PTPRG: variants seen among roughly 807,000 people sequenced by gnomAD.
PTPRG encodes the protein protein tyrosine phosphatase receptor type G.
PTPRG carries 102 observed loss-of-function variants against 165.3 expected under a neutral mutation model. That is an observed-to-expected ratio of 0.62 (90% CI 0.53 to 0.73). The LOEUF is 0.73. PTPRG is among the 30% of genes least tolerant of loss of function. The pLI is 0.00. For missense variants in PTPRG, 1,866 were observed against 1,861.4 expected, an observed-to-expected ratio of 1.00 and a Z score of -0.05; for synonymous variants, 675 against 669.5, an observed-to-expected ratio of 1.01 and a Z score of -0.13.
intron 2 of PTPRG, among the ~76,000 whole-genome samples, chr3:61,866,662 C>T (rs930159248): frequency 2.4e-5 from 3 of 125,442 alleles, no homozygotes; most frequent in African/African-American, 5.8e-5. Context: ...TGCAGTGGTA[C>T]GGTATCAGCT....
At chr3:62,081,945 G>A (rs1701597736) in intron 5 of PTPRG, among the ~76,000 whole-genome samples, 1 of 152,120 alleles carries the variant, frequency 6.6e-6, no homozygotes, top group Non-Finnish European at 1.5e-5. Context: ...TCTGTGTTAA[G>A]CATAATAAAC....
chr3:62,194,622 G>T (rs1699915764), intron 9 of PTPRG, among the ~76,000 whole-genome samples: 1 of 152,110 alleles, frequency 6.6e-6, no homozygotes, highest in Non-Finnish European at 1.5e-5. Flanking sequence ...GGCCAACATG[G>T]CAAAACCCCG....
chr3:61,607,400 A>T (rs1326979255), intron 1 of PTPRG, among the ~76,000 whole-genome samples: 3 of 152,164 alleles, frequency 2.0e-5, no homozygotes, highest in African/African-American at 7.2e-5. Context: ...GTTCTTTGGG[A>T]TCCATTAAAA....
chr3:61,872,208 A>G (rs2037604196), intron 2 of PTPRG, among the ~76,000 whole-genome samples: 1 of 152,202 alleles, frequency 6.6e-6, no homozygotes, highest in Non-Finnish European at 1.5e-5. Context: ...TTTGAAAGAC[A>G]ATAAGAATGT....
At chr3:61,969,627 A>G (rs1338256328) in intron 2 of PTPRG, among the ~76,000 whole-genome samples, 1 of 152,110 alleles carries the variant, frequency 6.6e-6, no homozygotes, top group East Asian at 1.9e-4. Flanking sequence ...GGCGCCTTTT[A>G]GAAAGTTTTT....
intron 2 of PTPRG, among the ~76,000 whole-genome samples, chr3:61,895,030 A>G (rs1015235671): frequency 6.6e-6 from 1 of 152,306 alleles, no homozygotes; most frequent in East Asian, 1.9e-4. Flanking sequence ...TAGCTGTGAC[A>G]ACCAGTGTCT....
chr3:61,947,616 A>G (rs2039792805), intron 2 of PTPRG, among the ~76,000 whole-genome samples: 1 of 152,188 alleles, frequency 6.6e-6, no homozygotes, highest in Non-Finnish European at 1.5e-5. Context: ...TGACTGAAGT[A>G]ACTGAAAAGT....
intron 5 of PTPRG, among the ~76,000 whole-genome samples, chr3:62,087,845 G>A (rs1327565006): frequency 1.3e-5 from 2 of 152,108 alleles, no homozygotes; most frequent in African/African-American, 2.4e-5. Context: ...GTATTTTCTT[G>A]TAACTTAAAA....
intron 1 of PTPRG, among the ~76,000 whole-genome samples, chr3:61,567,541 CTT>C (rs1559506250): frequency 6.6e-6 from 1 of 151,632 alleles, no homozygotes; most frequent in African/African-American, 2.4e-5. Context: ...TGGGTGCACT[CTT>C]TTGTCCCCAC....
chr3:61,974,155 A>G (rs2040447736), intron 2 of PTPRG, among the ~76,000 whole-genome samples: 1 of 152,128 alleles, frequency 6.6e-6, no homozygotes, highest in Non-Finnish European at 1.5e-5. Context: ...ACTATTTTTT[A>G]ATCTTTTGAT....
intron 1 of PTPRG, among the ~76,000 whole-genome samples, chr3:61,669,637 T>C (rs1336316841): frequency 6.6e-6 from 1 of 152,244 alleles, no homozygotes; most frequent in Non-Finnish European, 1.5e-5. Context: ...TTCTTCTCCT[T>C]TGAAGCAAGG....
In PTPRG at chr3:62,268,773, C is replaced by T. The variant is rs377407655; in HGVS notation, c.2875-262C>T. Among the ~76,000 whole-genome samples the T allele has an allele frequency of 5.9e-5, 9 of 152,160 alleles. No homozygotes were observed. The East Asian group carries it at 1.4e-3, about 23-fold the overall frequency. ...TCCCTTTTAAAAATGCATTATAATG[C>T]AAAAATAAAAATGCATTATATATTG... On this transcript the variant is annotated intron_variant, in intron 19 of 29. Transcript: ENST00000474889.
intron 5 of PTPRG, among the ~76,000 whole-genome samples, chr3:62,125,064 TGC>T (rs1433454293): frequency 9.8e-5 from 15 of 152,308 alleles, no homozygotes; most frequent in African/African-American, 3.4e-4. Context: ...AAGGAGCCAG[TGC>T]TTATAATTTG....
At chr3:62,089,954 T>G (rs950363863) in intron 5 of PTPRG, among the ~76,000 whole-genome samples, 2 of 151,794 alleles carry the variant, frequency 1.3e-5, no homozygotes, top group African/African-American at 4.8e-5. Flanking sequence ...ATGGGAGGAG[T>G]TGCTACCTCC....
chr3:61,856,960 A>G (rs535477402), intron 2 of PTPRG, among the ~76,000 whole-genome samples: 36 of 152,328 alleles, frequency 2.4e-4, no homozygotes, highest in Admixed American at 5.9e-4. Flanking sequence ...ATGACTTTCA[A>G]GTCTTCTACT....
At chr3:62,256,379 G>GT (rs940094354) in intron 16 of PTPRG, among the ~76,000 whole-genome samples, 16 of 152,050 alleles carry the variant, frequency 1.1e-4, no homozygotes, top group African/African-American at 3.6e-4. Flanking sequence ...CTTTCTCTTA[G>GT]TTTTTTTGTT....
chr3:62,212,845 A>G (rs1289652341), intron 12 of PTPRG, among the ~76,000 whole-genome samples: 2 of 152,190 alleles, frequency 1.3e-5, no homozygotes, highest in Non-Finnish European at 2.9e-5. Flanking sequence ...AAATGTTGGT[A>G]GCTATGTCAC....
chr3:62,023,178 CTG>C (rs1184862665), intron 4 of PTPRG, among the ~76,000 whole-genome samples: 1 of 152,096 alleles, frequency 6.6e-6, no homozygotes, highest in Non-Finnish European at 1.5e-5. Flanking sequence ...AATTATATTT[CTG>C]TGTTATATTT....
chr3:61,836,854 C>T (rs1398564695), intron 2 of PTPRG, among the ~76,000 whole-genome samples: 1 of 151,846 alleles, frequency 6.6e-6, no homozygotes, highest in Non-Finnish European at 1.5e-5. Context: ...AAGCAGTTCT[C>T]CTGCGTCAGC....
Sources: allele counts gnomAD v4.1 joint callset (sites outside exome capture counted in the v4.1 genomes callset), GRCh38; gene constraint gnomAD v4.1.1; transcripts MANE v1.5; gene names NCBI Gene and HGNC (gene_info 2026-07-23, HGNC 2026-07-21).